ADAMTS17: variants seen among roughly 807,000 people sequenced by gnomAD.
ADAMTS17 encodes the protein ADAM metallopeptidase with thrombospondin type 1 motif 17.
In ADAMTS17, 113 loss-of-function variants were observed where a neutral mutation model predicts 141.5. That is an observed-to-expected ratio of 0.80 (90% confidence interval 0.69 to 0.93). ADAMTS17 has a LOEUF of 0.93. Ranked by LOEUF, ADAMTS17 falls within the 40% of genes least tolerant of loss-of-function variation. The pLI is 0.00. For synonymous variants in ADAMTS17, 768 were observed against 630.6 expected, an observed-to-expected ratio of 1.22 and a Z score of -3.27; for missense variants, 1,659 against 1,517.9, an observed-to-expected ratio of 1.09 and a Z score of -1.54.
chr15:100,102,831 C>CT (rs2036199579), intron 14 of ADAMTS17, among the ~76,000 whole-genome samples: 3 of 152,190 alleles, frequency 2.0e-5, no homozygotes, highest in Admixed American at 2.0e-4. Context: ...CCGTCAAGCT[C>CT]TGAGTGTGGG....
chr15:100,246,867 T>TTTTATTCA (rs1555492992), intron 7 of ADAMTS17, among the ~76,000 whole-genome samples: 4 of 146,514 alleles, frequency 2.7e-5, no homozygotes, highest in Admixed American at 2.7e-4. Flanking sequence ...GCCCTTTTAT[T>TTTTATTCA]TTTATTTATT....
At chr15:100,209,102 T>C in intron 7 of ADAMTS17, among the ~76,000 whole-genome samples, 1 of 81,776 alleles carries the variant, frequency 1.2e-5, no homozygotes, top group Non-Finnish European at 2.5e-5. Context: ...TGGAAATATT[T>C]GCCAAGTTAG....
At chr15:100,068,159 C>T (rs2033688524) in intron 15 of ADAMTS17, among the ~76,000 whole-genome samples, 1 of 152,170 alleles carries the variant, frequency 6.6e-6, no homozygotes, top group African/African-American at 2.4e-5. Flanking sequence ...TCATTGCTAG[C>T]ACAGCAGTCT....
At chr15:100,094,393 G>T (rs1410395539) in intron 15 of ADAMTS17, among the ~76,000 whole-genome samples, 2 of 152,260 alleles carry the variant, frequency 1.3e-5, no homozygotes, top group African/African-American at 4.8e-5. Flanking sequence ...GAAGGGAAAG[G>T]GGTGAGCAGG....
intron 8 of ADAMTS17, among the ~76,000 whole-genome samples, chr15:100,175,710 C>G (rs760594366): frequency 1.3e-5 from 2 of 152,058 alleles, no homozygotes; most frequent in African/African-American, 2.4e-5. Flanking sequence ...TTCCTCAAAT[C>G]TCACCCTTCC....
At chr15:100,010,383 G>C (rs1224712679) in intron 18 of ADAMTS17, among the ~76,000 whole-genome samples, 2 of 152,248 alleles carry the variant, frequency 1.3e-5, no homozygotes, top group African/African-American at 2.4e-5. Flanking sequence ...GGATGCTCCA[G>C]GCATGCACAT....
intron 15 of ADAMTS17, among the ~76,000 whole-genome samples, chr15:100,055,033 T>C (rs755894528): frequency 3.3e-5 from 5 of 152,128 alleles, no homozygotes; most frequent in Admixed American, 1.3e-4. Context: ...CTAAAACCTA[T>C]TCTGGCATTT....
intron 13 of ADAMTS17, among the ~76,000 whole-genome samples, chr15:100,114,299 A>T (rs1288924398): frequency 1.3e-5 from 2 of 152,148 alleles, no homozygotes; most frequent in African/African-American, 4.8e-5. Flanking sequence ...AATGGGCTTC[A>T]GAAGAGCCCG....
chr15:100,236,554 C>CA (rs201140728), intron 7 of ADAMTS17, among the ~76,000 whole-genome samples: 2,429 of 151,934 alleles, frequency 0.016, 28 homozygotes, highest in South Asian at 0.047. Flanking sequence ...AACAAACAAA[C>CA]AAAAAAACGG....
intron 2 of ADAMTS17, among the ~76,000 whole-genome samples, chr15:100,336,568 CAAT>C (rs1232248902): frequency 1.3e-5 from 2 of 152,282 alleles, no homozygotes; most frequent in East Asian, 3.9e-4. Flanking sequence ...AAGTCCTCAG[CAAT>C]AATAAGTAAT....
intron 18 of ADAMTS17, among the ~76,000 whole-genome samples, chr15:100,038,114 T>A (rs1189820193): frequency 6.6e-6 from 1 of 152,246 alleles, no homozygotes; most frequent in Non-Finnish European, 1.5e-5. Flanking sequence ...CACCATTTGT[T>A]TGAAAAGACT....
intron 8 of ADAMTS17, among the ~76,000 whole-genome samples, chr15:100,161,062 G>A (rs1004579023): frequency 6.6e-6 from 1 of 152,188 alleles, no homozygotes; most frequent in African/African-American, 2.4e-5. Flanking sequence ...TGGGGCTGAG[G>A]GCACAGATGG....
At chr15:100,331,813 C>T (rs909784308) in intron 2 of ADAMTS17, among the ~76,000 whole-genome samples, 5 of 152,258 alleles carry the variant, frequency 3.3e-5, no homozygotes, top group Admixed American at 6.5e-5. Flanking sequence ...CAAAGCCTAG[C>T]GTGTGCCCAA....
chr15:100,077,018 CTG>C (rs2034424692), intron 15 of ADAMTS17, among the ~76,000 whole-genome samples: 1 of 151,940 alleles, frequency 6.6e-6, no homozygotes, highest in Non-Finnish European at 1.5e-5. Flanking sequence ...AGAAACAACA[CTG>C]TATCATATAT....
intron 15 of ADAMTS17, among the ~76,000 whole-genome samples, chr15:100,077,532 A>T (rs759429054): frequency 2.0e-5 from 3 of 151,984 alleles, no homozygotes; most frequent in Non-Finnish European, 4.4e-5. Context: ...AGATCATCTC[A>T]ATAGGTGCAG....
chr15:100,126,784 C>T (rs1339948144), intron 12 of ADAMTS17, among the ~76,000 whole-genome samples: 4 of 152,220 alleles, frequency 2.6e-5, no homozygotes, highest in African/African-American at 9.6e-5. Flanking sequence ...AGTGGCCGCT[C>T]TGCTGTGGGC....
intron 18 of ADAMTS17, among the ~76,000 whole-genome samples, chr15:100,024,147 G>T (rs1292524317): frequency 1.3e-5 from 2 of 152,128 alleles, no homozygotes; most frequent in African/African-American, 4.8e-5. Context: ...AGGCTGGAGG[G>T]CAGTGGTACA....
chr15:100,182,176 T>C (rs1596208639), intron 8 of ADAMTS17, among the ~76,000 whole-genome samples: 1 of 152,322 alleles, frequency 6.6e-6, no homozygotes, highest in Middle Eastern at 3.4e-3. Context: ...TGCACATGGC[T>C]GGGGAGACCT....
intron 8 of ADAMTS17, among the ~76,000 whole-genome samples, chr15:100,162,944 T>A (rs185008453): frequency 3.1e-4 from 43 of 140,786 alleles, no homozygotes; most frequent in Admixed American, 1.0e-3. Context: ...ATGTATATAT[T>A]TGTGTATATA....
Sources: allele counts gnomAD v4.1 joint callset (sites outside exome capture counted in the v4.1 genomes callset), GRCh38; gene constraint gnomAD v4.1.1; transcripts MANE v1.5; gene names NCBI Gene and HGNC (gene_info 2026-07-23, HGNC 2026-07-21).